Variants in MGAT4C observed in about 807,000 individuals in gnomAD.
MGAT4C encodes alpha-1,3-mannosyl-glycoprotein 4-beta-N-acetylglucosaminyltransferase C.
MGAT4C carries 19 observed loss-of-function variants against 40.1 expected under a neutral mutation model. The ratio of observed to expected loss-of-function variants is 0.47; its 90% confidence interval spans 0.33 to 0.70. MGAT4C has a LOEUF of 0.70. MGAT4C is among the 30% of genes least tolerant of loss of function. The pLI, the probability that MGAT4C is intolerant of heterozygous loss-of-function variation, is 0.02. For missense variants in MGAT4C, 491 were observed against 563.2 expected, an observed-to-expected ratio of 0.87 and a Z score of 1.30; for synonymous variants, 181 against 187.1, an observed-to-expected ratio of 0.97 and a Z score of 0.27.
At chr12:86,157,540 T>C (rs1172770700) in intron 1 of MGAT4C, among the ~76,000 whole-genome samples, 4 of 151,708 alleles carry the variant, frequency 2.6e-5, no homozygotes, top group African/African-American at 9.7e-5. Flanking sequence ...AAATAATAAA[T>C]CCCCTGTTAT....
chr12:86,825,511 T>TATAACATTAATGGGTACCA (rs1952789360), intron 1 of MGAT4C, among the ~76,000 whole-genome samples: 2 of 151,412 alleles, frequency 1.3e-5, no homozygotes, highest in African/African-American at 4.8e-5. Flanking sequence ...CAGAGATCTT[T>TATAACATTAATGGGTACCA]ATAACATTAA....
chr12:86,278,817 T>C (rs1385418042), intron 4 of MGAT4C, among the ~76,000 whole-genome samples: 2 of 152,226 alleles, frequency 1.3e-5, no homozygotes, highest in African/African-American at 2.4e-5. Context: ...AACTCTGTCA[T>C]ATATGGCTTT....
intron 4 of MGAT4C, among the ~76,000 whole-genome samples, chr12:86,278,368 G>A (rs949739917): frequency 3.3e-5 from 5 of 151,690 alleles, no homozygotes; most frequent in Non-Finnish European, 5.9e-5. Context: ...TAGTAGAAGT[G>A]GGATTTCACC....
At chr12:86,745,871 A>G (rs1951144972) in intron 1 of MGAT4C, among the ~76,000 whole-genome samples, 1 of 151,720 alleles carries the variant, frequency 6.6e-6, no homozygotes, top group Non-Finnish European at 1.5e-5. Context: ...ATAGAAATTC[A>G]GCTTCAGGAA....
chr12:86,415,552 G>A (rs1263634745), intron 3 of MGAT4C, among the ~76,000 whole-genome samples: 3 of 151,782 alleles, frequency 2.0e-5, no homozygotes, highest in Non-Finnish European at 2.9e-5. Flanking sequence ...CTAAGTTTGA[G>A]GATTTATTTT....
intron 4 of MGAT4C, among the ~76,000 whole-genome samples, chr12:86,307,759 G>C (rs1029343682): frequency 6.7e-6 from 1 of 150,164 alleles, no homozygotes; most frequent in Admixed American, 6.6e-5. Flanking sequence ...CTGGAGTGCA[G>C]TGGCGCGATC....
At chr12:86,067,141 A>T (rs1157951194) in intron 1 of MGAT4C, among the ~76,000 whole-genome samples, 1 of 152,206 alleles carries the variant, frequency 6.6e-6, no homozygotes. Context: ...ATTGTAGAAG[A>T]CAGTGTGCCG....
chr12:86,382,916 G>A (rs532583349), intron 3 of MGAT4C, among the ~76,000 whole-genome samples: 2 of 152,192 alleles, frequency 1.3e-5, no homozygotes, highest in Admixed American at 6.5e-5. Context: ...TGCTGCAGGG[G>A]CAAAGCCCTC....
intron 1 of MGAT4C, among the ~76,000 whole-genome samples, chr12:86,730,752 G>T (rs1950894666): frequency 6.6e-6 from 1 of 152,094 alleles, no homozygotes; most frequent in African/African-American, 2.4e-5. Context: ...GTGGGTTAAA[G>T]AGGATATCTA....
intron 2 of MGAT4C, among the ~76,000 whole-genome samples, chr12:86,464,576 G>A (rs1302299020): frequency 6.6e-6 from 1 of 152,112 alleles, no homozygotes; most frequent in East Asian, 1.9e-4. Context: ...GATGTTCTTA[G>A]AGCATATATT....
At chr12:86,031,944 G>A (rs1890792413) in intron 2 of MGAT4C, among the ~76,000 whole-genome samples, 1 of 151,746 alleles carries the variant, frequency 6.6e-6, no homozygotes, top group Non-Finnish European at 1.5e-5. Context: ...GGGCCCTAGT[G>A]TCTGTTGTTC....
intron 1 of MGAT4C, among the ~76,000 whole-genome samples, chr12:86,229,463 T>C (rs1054503512): frequency 6.6e-6 from 1 of 152,008 alleles, no homozygotes; most frequent in Non-Finnish European, 1.5e-5. Flanking sequence ...ATGCTAAAAT[T>C]CAAATTGGAA....
At chr12:86,544,077 C>T (rs1305971971) in intron 2 of MGAT4C, among the ~76,000 whole-genome samples, 1 of 152,114 alleles carries the variant, frequency 6.6e-6, no homozygotes, top group Admixed American at 6.6e-5. Context: ...GTTGATTCTG[C>T]TTCCATATCA....
chr12:86,123,857 A>C (rs1398760270), intron 1 of MGAT4C, among the ~76,000 whole-genome samples: 1 of 152,052 alleles, frequency 6.6e-6, no homozygotes, highest in Non-Finnish European at 1.5e-5. Flanking sequence ...GATAGGCTTT[A>C]GTTTCTATTA....
At chr12:86,563,263 A>G (rs1959952555) in intron 2 of MGAT4C, among the ~76,000 whole-genome samples, 1 of 152,188 alleles carries the variant, frequency 6.6e-6, no homozygotes, top group African/African-American at 2.4e-5. Flanking sequence ...AAGTGGCAGG[A>G]GCCAACTGGT....
At chr12:86,693,165 C>T (rs935211110) in intron 2 of MGAT4C, among the ~76,000 whole-genome samples, 5 of 152,190 alleles carry the variant, frequency 3.3e-5, no homozygotes, top group Admixed American at 6.6e-5. Context: ...AGATAGCACC[C>T]TCAGCAGGTG....
chr12:86,500,731 T>C (rs1958325180), intron 2 of MGAT4C, among the ~76,000 whole-genome samples: 1 of 151,988 alleles, frequency 6.6e-6, no homozygotes, highest in Non-Finnish European at 1.5e-5. Context: ...TCCAATGATG[T>C]TTATATAACT....
At chr12:86,757,843 T>G (rs1951332689) in intron 1 of MGAT4C, among the ~76,000 whole-genome samples, 1 of 152,072 alleles carries the variant, frequency 6.6e-6, no homozygotes, top group Non-Finnish European at 1.5e-5. Flanking sequence ...CAGTTTCCAG[T>G]TCAGCTAAAA....
intron 2 of MGAT4C, among the ~76,000 whole-genome samples, chr12:86,634,877 G>A (rs1284548606): frequency 6.6e-6 from 1 of 152,106 alleles, no homozygotes; most frequent in Non-Finnish European, 1.5e-5. Context: ...CAGCCTTCAT[G>A]AAAAGAAGGA....
Sources: gnomAD v4.1 joint callset for allele counts (sites outside exome capture counted in the v4.1 genomes callset) on GRCh38, gnomAD v4.1.1 for gene constraint, MANE v1.5 for transcripts, NCBI Gene and HGNC (gene_info 2026-07-23, HGNC 2026-07-21) for gene names.